Variants in NRG1 observed in about 807,000 individuals in gnomAD.
NRG1 encodes pro-neuregulin-1, membrane-bound isoform.
A neutral mutation model predicts 63.8 loss-of-function variants in NRG1; 18 were observed. That is an observed-to-expected ratio of 0.28 (90% CI 0.19 to 0.42). NRG1 has a LOEUF of 0.42. NRG1 is among the 10% of genes least tolerant of loss of function. The pLI is 1.00. For missense variants in NRG1, 762 were observed against 814.7 expected, an observed-to-expected ratio of 0.94 and a Z score of 0.79; for synonymous variants, 302 against 301.3, an observed-to-expected ratio of 1.00 and a Z score of -0.02.
At chr8:32,739,803 GGT>G (rs915590690) in intron 6 of NRG1, among the ~76,000 whole-genome samples, 1 of 151,800 alleles carries the variant, frequency 6.6e-6, no homozygotes, top group East Asian at 1.9e-4. Flanking sequence ...GCAATTGTGT[GGT>G]GTGTGTGTGT....
chr8:32,519,277 G>T (rs192247185), intron 1 of NRG1, among the ~76,000 whole-genome samples: 2 of 152,244 alleles, frequency 1.3e-5, no homozygotes, highest in African/African-American at 4.8e-5. Context: ...AAATAGCTCT[G>T]TATTCAAGAG....
intron 1 of NRG1, among the ~76,000 whole-genome samples, chr8:32,538,289 T>C (rs1832230559): frequency 6.6e-6 from 1 of 152,184 alleles, no homozygotes; most frequent in African/African-American, 2.4e-5. Flanking sequence ...ATGTAGGGAC[T>C]CTTTCTCCCT....
At chr8:32,714,828 G>A (rs574682759) in intron 5 of NRG1, among the ~76,000 whole-genome samples, 45 of 152,254 alleles carry the variant, frequency 3.0e-4, no homozygotes, top group African/African-American at 3.9e-4. Flanking sequence ...GCTCAAGCGC[G>A]TGCACGCACA....
intron 1 of NRG1, among the ~76,000 whole-genome samples, chr8:31,981,798 A>G (rs1809147864): frequency 6.6e-6 from 1 of 151,986 alleles, no homozygotes; most frequent in African/African-American, 2.4e-5. Flanking sequence ...CAATCTCATA[A>G]TTAAATGTAA....
At chr8:31,794,157 A>G (rs1488045452) in intron 1 of NRG1, among the ~76,000 whole-genome samples, 1 of 152,096 alleles carries the variant, frequency 6.6e-6, no homozygotes, top group Non-Finnish European at 1.5e-5. Flanking sequence ...TCTCAGAGGT[A>G]TTTTTAATGG....
chr8:32,357,941 G>T (rs1806673269), intron 1 of NRG1, among the ~76,000 whole-genome samples: 1 of 152,128 alleles, frequency 6.6e-6, no homozygotes. Flanking sequence ...ATATTCATTA[G>T]GAAAAGAACC....
intron 1 of NRG1, among the ~76,000 whole-genome samples, chr8:32,422,555 T>C (rs1816819326): frequency 6.6e-6 from 1 of 152,210 alleles, no homozygotes; most frequent in Non-Finnish European, 1.5e-5. Flanking sequence ...TTTCCTTCTG[T>C]GGTAAATTCC....
At chr8:32,000,879 C>T (rs1812809420) in intron 1 of NRG1, among the ~76,000 whole-genome samples, 1 of 151,974 alleles carries the variant, frequency 6.6e-6, no homozygotes, top group Non-Finnish European at 1.5e-5. Context: ...GATGAACCAT[C>T]ATTTGTTTAT....
chr8:31,852,664 T>G (rs1327340960), intron 1 of NRG1, among the ~76,000 whole-genome samples: 1 of 152,046 alleles, frequency 6.6e-6, no homozygotes, highest in Non-Finnish European at 1.5e-5. Flanking sequence ...TTTTGGTGTT[T>G]TAGACATGAA....
At chr8:31,817,224 G>T (rs187400290) in intron 1 of NRG1, among the ~76,000 whole-genome samples, 5 of 152,284 alleles carry the variant, frequency 3.3e-5, no homozygotes, top group African/African-American at 9.6e-5. Context: ...GAATGTTCTC[G>T]CTAATTTGAG....
At chr8:31,997,918 G>T (rs1049389053) in intron 1 of NRG1, among the ~76,000 whole-genome samples, 4 of 151,986 alleles carry the variant, frequency 2.6e-5, no homozygotes, top group African/African-American at 4.8e-5. Context: ...GCTCAGGAAG[G>T]CATAGCCAAT....
chr8:32,294,766 T>A (rs899604305), intron 1 of NRG1, among the ~76,000 whole-genome samples: 1 of 152,224 alleles, frequency 6.6e-6, no homozygotes, highest in African/African-American at 2.4e-5. Flanking sequence ...TATTTCTTTG[T>A]AGATTTCTAA....
chr8:32,648,418 G>T lies in NRG1; in HGVS notation c.502+31533G>T, dbSNP rs755105067. 87 of 1,600,980 alleles carry T rather than the reference G, an allele frequency of 5.4e-5. 1 individual carries two copies. In the Admixed American group the frequency reaches 1.3e-3, roughly 25 times the overall value. ...AGAGAGAGAGAGAGACGATGATGAT[G>T]ATGAATAAAAGGGGTGGGTTTGAGG... On this transcript the variant is annotated intron_variant, in intron 5 of 11. Transcript: ENST00000356819.
chr8:32,532,008 G>C (rs1285528030), intron 1 of NRG1, among the ~76,000 whole-genome samples: 1 of 152,130 alleles, frequency 6.6e-6, no homozygotes, highest in Non-Finnish European at 1.5e-5. Context: ...TATAACCCAG[G>C]ATGCTCCCTG....
intron 1 of NRG1, among the ~76,000 whole-genome samples, chr8:31,880,084 G>A (rs989441134): frequency 2.6e-5 from 4 of 152,112 alleles, no homozygotes; most frequent in South Asian, 2.1e-4. Context: ...ACTATTGGTG[G>A]GAGTGTAAAT....
At position 32,758,017 on chromosome 8, in the gene NRG1, A is replaced by T. The variant is rs533812155; in HGVS notation, c.922-1289A>T. 1.2e-3 allele frequency among the ~76,000 whole-genome samples: 183 copies of T among 152,308 alleles called. 1 individual carries two copies. Among genetic ancestry groups the T allele is most frequent in the Non-Finnish European group, 2.4e-3 (163 of 68,026 alleles). ...GTACTTCCCAGGAAGATCCACATGG[A>T]ATAGCCTTTCCACTAAGAGAACCAG... is the stretch of plus-strand genomic sequence containing the variant. On this transcript the variant is annotated intron_variant, in intron 9 of 11. Transcript: ENST00000356819.
intron 1 of NRG1, among the ~76,000 whole-genome samples, chr8:32,090,596 C>G (rs1283716173): frequency 1.2e-4 from 19 of 152,200 alleles, no homozygotes; most frequent in Non-Finnish European, 1.5e-5. Context: ...GCTGAGATTA[C>G]AGGCGTGAGC....
At chr8:31,843,517 A>G (rs1826391066) in intron 1 of NRG1, among the ~76,000 whole-genome samples, 1 of 152,182 alleles carries the variant, frequency 6.6e-6, no homozygotes, top group African/African-American at 2.4e-5. Flanking sequence ...TTATTTATAA[A>G]GGTGCACCTA....
chr8:32,613,585 G>C (rs992147974), intron 3 of NRG1, among the ~76,000 whole-genome samples: 1 of 151,914 alleles, frequency 6.6e-6, no homozygotes, highest in African/African-American at 2.4e-5. Flanking sequence ...TTCTCGGTTA[G>C]ATCTCATAAT....
Sources: allele counts gnomAD v4.1 joint callset (sites outside exome capture counted in the v4.1 genomes callset), GRCh38; gene constraint gnomAD v4.1.1; transcripts MANE v1.5; gene names NCBI Gene and HGNC (gene_info 2026-07-23, HGNC 2026-07-21).